The following LRMDA variants were observed in gnomAD, a reference collection of about 807,000 sequenced individuals.
The protein encoded by LRMDA is leucine rich melanocyte differentiation associated.
A neutral mutation model predicts 29.8 loss-of-function variants in LRMDA; 18 were observed. The ratio of observed to expected loss-of-function variants is 0.60; its 90% CI spans 0.42 to 0.90. The LOEUF is 0.90. Ranked by LOEUF, LRMDA falls within the 40% of genes least tolerant of loss-of-function variation. The pLI, the probability that LRMDA is intolerant of heterozygous loss-of-function variation, is 0.00. For missense variants in LRMDA, 273 were observed against 273.9 expected, an observed-to-expected ratio of 1.00 and a Z score of 0.02; for synonymous variants, 125 against 109.4, an observed-to-expected ratio of 1.14 and a Z score of -0.89.
intron 5 of LRMDA, among the ~76,000 whole-genome samples, chr10:76,099,944 A>G (rs1479431829): frequency 2.0e-5 from 3 of 152,180 alleles, no homozygotes; most frequent in African/African-American, 2.4e-5. Flanking sequence ...CATAATGTTA[A>G]TTAGGTCAGG....
At chr10:76,467,747 A>G (rs1842578347) in intron 6 of LRMDA, among the ~76,000 whole-genome samples, 2 of 152,114 alleles carry the variant, frequency 1.3e-5, no homozygotes, top group South Asian at 4.1e-4. Context: ...TGGAGGCTAA[A>G]GGTCTGGGGG....
At chr10:75,850,392 A>T (rs1443932452) in intron 2 of LRMDA, among the ~76,000 whole-genome samples, 1 of 152,182 alleles carries the variant, frequency 6.6e-6, no homozygotes, top group Non-Finnish European at 1.5e-5. Flanking sequence ...GAGGTGCCCC[A>T]ACAAGCTGTC....
intron 2 of LRMDA, among the ~76,000 whole-genome samples, chr10:75,578,028 A>G (rs531289498): frequency 4.6e-5 from 7 of 152,050 alleles, no homozygotes; most frequent in Non-Finnish European, 1.0e-4. Context: ...GATCAGTTTC[A>G]CACATAACAA....
At chr10:76,106,492 A>G (rs1006476991) in intron 5 of LRMDA, among the ~76,000 whole-genome samples, 1 of 152,006 alleles carries the variant, frequency 6.6e-6, no homozygotes, top group African/African-American at 2.4e-5. Flanking sequence ...TCATTTCCCC[A>G]TTTTTATCCT....
intron 2 of LRMDA, among the ~76,000 whole-genome samples, chr10:75,804,071 T>C (rs927682802): frequency 6.6e-6 from 1 of 152,178 alleles, no homozygotes; most frequent in Non-Finnish European, 1.5e-5. Flanking sequence ...TTGAGTGAGG[T>C]AGTTGGAAAG....
chr10:75,696,591 A>T (rs1204934604), intron 2 of LRMDA, among the ~76,000 whole-genome samples: 1 of 152,242 alleles, frequency 6.6e-6, no homozygotes, highest in Non-Finnish European at 1.5e-5. Flanking sequence ...ATGACTGAAG[A>T]GTATAATAAT....
intron 2 of LRMDA, among the ~76,000 whole-genome samples, chr10:75,969,501 A>T (rs369390334): frequency 6.6e-6 from 1 of 152,252 alleles, no homozygotes; most frequent in Non-Finnish European, 1.5e-5. Context: ...TGTGATGGGC[A>T]TACTGAGGTT....
intron 6 of LRMDA, among the ~76,000 whole-genome samples, chr10:76,367,556 C>T (rs1431039298): frequency 6.6e-6 from 1 of 151,984 alleles, no homozygotes; most frequent in African/African-American, 2.4e-5. Context: ...TCGCAAGTAG[C>T]TGGGATTACA....
At chr10:76,491,802 A>G (rs1413850550) in intron 6 of LRMDA, among the ~76,000 whole-genome samples, 2 of 151,940 alleles carry the variant, frequency 1.3e-5, no homozygotes, top group Non-Finnish European at 2.9e-5. Flanking sequence ...TTTAAGGCCA[A>G]TTACTCTTAG....
chr10:76,288,692 A>G (rs1840302850), intron 5 of LRMDA, among the ~76,000 whole-genome samples: 1 of 152,142 alleles, frequency 6.6e-6, no homozygotes, highest in African/African-American at 2.4e-5. Flanking sequence ...GTACTACTAC[A>G]ATTCTTTTTA....
At chr10:76,367,096 A>G (rs1437737711) in intron 6 of LRMDA, among the ~76,000 whole-genome samples, 1 of 152,198 alleles carries the variant, frequency 6.6e-6, no homozygotes, top group Non-Finnish European at 1.5e-5. Context: ...CATCCCTGGT[A>G]TGAAATCTAC....
chr10:75,937,240 T>C (rs748476448), intron 2 of LRMDA, among the ~76,000 whole-genome samples: 3 of 152,236 alleles, frequency 2.0e-5, no homozygotes, highest in Non-Finnish European at 4.4e-5. Context: ...ATTTTATTTA[T>C]GTGAAATCAT....
At chr10:76,042,201 A>T (rs950501483) in intron 3 of LRMDA, among the ~76,000 whole-genome samples, 4 of 152,202 alleles carry the variant, frequency 2.6e-5, no homozygotes, top group Non-Finnish European at 5.9e-5. Context: ...GCATGCATGC[A>T]GGGAGGAGGT....
intron 2 of LRMDA, among the ~76,000 whole-genome samples, chr10:75,452,775 T>G (rs1478557986): frequency 6.6e-6 from 1 of 152,130 alleles, no homozygotes; most frequent in Admixed American, 6.5e-5. Context: ...GTGCATATAA[T>G]CCTTCATGAC....
intron 2 of LRMDA, among the ~76,000 whole-genome samples, chr10:75,933,960 C>T (rs772828922): frequency 6.6e-6 from 1 of 152,130 alleles, no homozygotes; most frequent in Non-Finnish European, 1.5e-5. Context: ...TAAACAGCAT[C>T]CCTAAGAACA....
chr10:76,219,173 A>C (rs975347770), intron 5 of LRMDA, among the ~76,000 whole-genome samples: 4 of 152,192 alleles, frequency 2.6e-5, no homozygotes, highest in Non-Finnish European at 5.9e-5. Context: ...CCAAATTGTA[A>C]AGACCATCGA....
At chr10:76,092,765 A>C (rs1227092146) in intron 5 of LRMDA, among the ~76,000 whole-genome samples, 2 of 152,244 alleles carry the variant, frequency 1.3e-5, no homozygotes, top group Non-Finnish European at 2.9e-5. Flanking sequence ...GCAGTGCCTA[A>C]TATGTACAAT....
intron 5 of LRMDA, among the ~76,000 whole-genome samples, chr10:76,187,768 G>A (rs977211758): frequency 6.6e-6 from 1 of 152,174 alleles, no homozygotes; most frequent in Non-Finnish European, 1.5e-5. Context: ...CTGAGTGACT[G>A]GGTGAGTTCG....
At chr10:76,080,093 C>G (rs1849025227) in intron 5 of LRMDA, among the ~76,000 whole-genome samples, 1 of 152,040 alleles carries the variant, frequency 6.6e-6, no homozygotes, top group Non-Finnish European at 1.5e-5. Flanking sequence ...ATAGATATGC[C>G]TTCATTATTG....
Sources: allele counts gnomAD v4.1 joint callset (sites outside exome capture counted in the v4.1 genomes callset), GRCh38; gene constraint gnomAD v4.1.1; transcripts MANE v1.5; gene names NCBI Gene and HGNC (gene_info 2026-07-23, HGNC 2026-07-21).